ANK1: variants seen among roughly 807,000 people sequenced by gnomAD.
ANK1 encodes the protein ankyrin 1, also known as ankyrin-1.
ANK1 carries 51 observed loss-of-function variants against 210.4 expected under a neutral mutation model. That is an observed-to-expected ratio of 0.24 (90% CI 0.19 to 0.31). The LOEUF (loss-of-function observed/expected upper bound fraction) is 0.31. Among genes scored for constraint, ANK1 ranks in the 10% least tolerant of loss-of-function variants. The pLI is 1.00. For synonymous variants in ANK1, 967 were observed against 1,025.9 expected, an observed-to-expected ratio of 0.94 and a Z score of 1.10; for missense variants, 2,051 against 2,504.4, an observed-to-expected ratio of 0.82 and a Z score of 3.86.
intron 39 of ANK1, chr8:41,664,853 G>A (rs763591603): frequency 4.0e-5 from 64 of 1,612,994 alleles, no homozygotes; most frequent in Middle Eastern, 3.3e-4. Flanking sequence ...TGGTCTCCTC[G>A]TCGTCACTGA....
intron 1 of ANK1, among the ~76,000 whole-genome samples, chr8:41,870,435 G>T (rs559829138): frequency 5.8e-4 from 88 of 152,252 alleles, no homozygotes; most frequent in South Asian, 1.2e-3. Flanking sequence ...CCCAAGCAAG[G>T]TTCCAGGGAC....
At chr8:41,832,240 C>A (rs1352646842) in intron 1 of ANK1, among the ~76,000 whole-genome samples, 1 of 152,170 alleles carries the variant, frequency 6.6e-6, no homozygotes, top group African/African-American at 2.4e-5. Context: ...TGGCTCCCCA[C>A]CAGAAGGGGA....
intron 27 of ANK1, 23 bp downstream of exon 27, chr8:41,695,154 G>C: frequency 6.2e-7 from 1 of 1,613,808 alleles, no homozygotes; most frequent in South Asian, 1.1e-5. Context: ...AGGGGACCCA[G>C]CCCTGGGATC....
chr8:41,893,115 C>G (rs149566949), intron 1 of ANK1, among the ~76,000 whole-genome samples: 2 of 152,144 alleles, frequency 1.3e-5, no homozygotes, highest in Non-Finnish European at 2.9e-5. Context: ...ATCTTCCTGT[C>G]CTCTTCTCCT....
chr8:41,826,931 C>T (rs775756285), intron 1 of ANK1, among the ~76,000 whole-genome samples: 10 of 152,172 alleles, frequency 6.6e-5, no homozygotes, highest in Non-Finnish European at 1.2e-4. Flanking sequence ...CCCGTAAAGC[C>T]TTGCCTAATA....
Position 41,684,732 on chromosome 8 carries a change from G to A in ANK1, c.4391-42C>T, listed in dbSNP as rs774312258. The A allele has an allele frequency of 2.0e-5, 32 of 1,601,398 alleles. No homozygotes were observed. In the South Asian group the frequency reaches 2.2e-4, roughly 11 times the overall value. On this transcript the variant is annotated intron_variant, in intron 36 of 42. Transcript: ENST00000289734. ...GAGATGCACGTTACTCCAGGCCGGT[G>A]AGCGAGGATCACATGGGCTCAGAAA...
chr8:41,781,924 C>G (rs542658994), intron 1 of ANK1, among the ~76,000 whole-genome samples: 1 of 152,194 alleles, frequency 6.6e-6, no homozygotes, highest in Admixed American at 6.5e-5. Flanking sequence ...TGGCGGCTCC[C>G]CTGCTGCCTC....
intron 1 of ANK1, chr8:41,829,033 C>T (rs1806069420): frequency 6.6e-6 from 1 of 152,282 alleles, no homozygotes; most frequent in South Asian, 2.1e-4. Context: ...ATAAATAAAT[C>T]CTAGTCTCGC....
chr8:41,674,830 T>C (rs1351837647), intron 37 of ANK1, among the ~76,000 whole-genome samples: 1 of 152,144 alleles, frequency 6.6e-6, no homozygotes, highest in African/African-American at 2.4e-5. Flanking sequence ...CTTTTAGCTC[T>C]GGCCAAACTA....
chr8:41,891,179 C>T (rs1422759363), intron 1 of ANK1, among the ~76,000 whole-genome samples: 1 of 152,120 alleles, frequency 6.6e-6, no homozygotes, highest in Admixed American at 6.5e-5. Context: ...AAAGCAGACA[C>T]AGGGGCAAGC....
intron 1 of ANK1, among the ~76,000 whole-genome samples, chr8:41,820,845 A>G (rs1804146893): frequency 6.6e-6 from 1 of 152,214 alleles, no homozygotes; most frequent in South Asian, 2.1e-4. Context: ...CGGCATCCTG[A>G]GCTACACAAA....
At chr8:41,839,848 T>A (rs1350990065) in intron 1 of ANK1, among the ~76,000 whole-genome samples, 1 of 152,126 alleles carries the variant, frequency 6.6e-6, no homozygotes, top group Admixed American at 6.5e-5. Flanking sequence ...AGGAAAAATA[T>A]AAGGAAATCC....
intron 39 of ANK1, chr8:41,664,313 A>AT (rs35250441): frequency 2.7e-6 from 1 of 370,334 alleles, no homozygotes. Context: ...CTCTACAAAA[A>AT]TTTTTTTAAA....
At chr8:41,820,671 G>A (rs1463158825) in intron 1 of ANK1, among the ~76,000 whole-genome samples, 1 of 152,154 alleles carries the variant, frequency 6.6e-6, no homozygotes, top group Non-Finnish European at 1.5e-5. Context: ...CTGTAGGGAA[G>A]CAAAACAGGG....
At chr8:41,827,285 A>G (rs1436916979) in intron 1 of ANK1, among the ~76,000 whole-genome samples, 3 of 152,260 alleles carry the variant, frequency 2.0e-5, no homozygotes, top group Non-Finnish European at 2.9e-5. Flanking sequence ...CAGGACTCAC[A>G]TCTTGCGTTT....
chr8:41,776,624 C>T (rs71521552), intron 1 of ANK1, among the ~76,000 whole-genome samples: 1 of 152,182 alleles, frequency 6.6e-6, no homozygotes, highest in Non-Finnish European at 1.5e-5. Context: ...ACTTCTTCGC[C>T]TTCATTGGGG....
At chr8:41,886,716 G>T (rs1818498257) in intron 1 of ANK1, among the ~76,000 whole-genome samples, 1 of 152,192 alleles carries the variant, frequency 6.6e-6, no homozygotes, top group African/African-American at 2.4e-5. Flanking sequence ...AGTGCAGGAT[G>T]CAGGAAAGAC....
At position 41,708,937 on chromosome 8, in the gene ANK1, G is replaced by A. The variant is rs141134967; in HGVS notation, c.1839C>T (p.Asn613=). 78 of 1,613,956 alleles carry A rather than the reference G, an allele frequency of 4.8e-5. No individual in the cohort carries two copies. Among genetic ancestry groups the A allele is most frequent in the Non-Finnish European group, 5.4e-5 (64 of 1,180,032 alleles). The change falls in exon 17 of 43, where the codon AAC becomes AAT. Residue 613 remains asparagine (N), a synonymous_variant. Transcript: ENST00000289734. ...GCAGACTACGGGCCACCTCCACCTG[G>A]TTCTGCTTGGCAGCGATGTGCAAAG... ...YTPLHIAAKQ[N]QVEVARSLLQ...
At chr8:41,767,810 G>A (rs1236562355) in intron 1 of ANK1, among the ~76,000 whole-genome samples, 1 of 152,180 alleles carries the variant, frequency 6.6e-6, no homozygotes, top group Non-Finnish European at 1.5e-5. Context: ...CCTGCCTCCC[G>A]CCTCCCCGAA....
Sources: allele counts gnomAD v4.1 joint callset (sites outside exome capture counted in the v4.1 genomes callset), GRCh38; gene constraint gnomAD v4.1.1; transcripts MANE v1.5; gene names NCBI Gene and HGNC (gene_info 2026-07-23, HGNC 2026-07-21).